NELL1: variants seen among roughly 807,000 people sequenced by gnomAD.
The protein encoded by NELL1 is protein kinase C-binding protein NELL1.
Under a neutral mutation model 107.4 loss-of-function variants are expected in NELL1, and 76 were observed. The ratio of observed to expected loss-of-function variants is 0.71; its 90% CI spans 0.59 to 0.86. NELL1 has a LOEUF of 0.86. NELL1 is among the 40% of genes least tolerant of loss of function. The probability of loss-of-function intolerance (pLI) is 0.00; values close to 1 mark genes in which losing one functional copy is unlikely to be tolerated. For missense variants in NELL1, 1,024 were observed against 1,005.5 expected (o/e 1.02, Z -0.25); for synonymous variants, 353 against 341.2 (o/e 1.03, Z -0.38).
At chr11:20,882,397 G>GT (rs1313254340) in intron 4 of NELL1, among the ~76,000 whole-genome samples, 1 of 152,112 alleles carries the variant, frequency 6.6e-6, no homozygotes, top group Non-Finnish European at 1.5e-5. Context: ...GACCTTGTTG[G>GT]TTTTTTCTCT....
At chr11:21,168,960 A>G (rs1856544600) in intron 13 of NELL1, among the ~76,000 whole-genome samples, 1 of 151,974 alleles carries the variant, frequency 6.6e-6, no homozygotes, top group Non-Finnish European at 1.5e-5. Flanking sequence ...TTGTCAGTGC[A>G]TATGACTCAA....
chr11:21,119,895 A>G (rs1488701979), intron 13 of NELL1, among the ~76,000 whole-genome samples: 1 of 152,104 alleles, frequency 6.6e-6, no homozygotes, highest in Non-Finnish European at 1.5e-5. Context: ...ATCATTAGAT[A>G]CGCAGGCAGT....
Position 21,474,592 on chromosome 11 carries a change from G to A in NELL1, c.1646-59782G>A, listed in dbSNP as rs114677600. Among the ~76,000 whole-genome samples, 396 of 152,198 alleles carry A rather than the reference G, an allele frequency of 2.6e-3. 1 individual carries two copies. Among genetic ancestry groups the A allele is most frequent in the African/African-American group, 7.8e-3 (323 of 41,532 alleles). ...CAAGGTTGCCAGTCTAATAACTGAA[G>A]CAGCTGAGGATTTGTACCCCTGTCC... On this transcript the variant is annotated intron_variant, in intron 15 of 19. Transcript: ENST00000357134.
chr11:21,127,868 C>A (rs1393367121), intron 13 of NELL1, among the ~76,000 whole-genome samples: 1 of 152,178 alleles, frequency 6.6e-6, no homozygotes, highest in Non-Finnish European at 1.5e-5. Flanking sequence ...AATATTCTCT[C>A]ATATGGACAT....
At chr11:21,363,537 C>T (rs1851135050) in intron 14 of NELL1, among the ~76,000 whole-genome samples, 1 of 152,090 alleles carries the variant, frequency 6.6e-6, no homozygotes, top group Non-Finnish European at 1.5e-5. Context: ...GTTCTTGGAA[C>T]AAAAGATCAT....
At chr11:20,863,682 C>G (rs1265465094) in intron 4 of NELL1, among the ~76,000 whole-genome samples, 1 of 151,586 alleles carries the variant, frequency 6.6e-6, no homozygotes, top group Non-Finnish European at 1.5e-5. Flanking sequence ...CAGGCAGAGA[C>G]GCTCCTCACT....
chr11:20,762,068 G>A (rs1856432878), intron 2 of NELL1, among the ~76,000 whole-genome samples: 1 of 152,218 alleles, frequency 6.6e-6, no homozygotes, highest in Non-Finnish European at 1.5e-5. Context: ...TTGTGGATTA[G>A]TCTGTGGTCT....
rs370633283 is a variant in NELL1, at chr11:21,123,119, A to G, written c.1426+9405A>G. Among the ~76,000 whole-genome samples, 21 of 152,282 alleles carry G rather than the reference A, an allele frequency of 1.4e-4. No individual in the cohort carries two copies. In the East Asian group the frequency reaches 3.5e-3, roughly 25 times the overall value. ...TTCACAGTCCCTTTTTAAAAATAAG[A>G]GTAACTTTATTAAAAACCTCAACAG... On this transcript the variant is annotated intron_variant, in intron 13 of 19. Transcript: ENST00000357134.
At chr11:20,928,082 C>T (rs1299638125) in intron 8 of NELL1, among the ~76,000 whole-genome samples, 1 of 152,118 alleles carries the variant, frequency 6.6e-6, no homozygotes, top group Non-Finnish European at 1.5e-5. Context: ...ACAGAGTCTG[C>T]AAATGTGTTA....
intron 2 of NELL1, among the ~76,000 whole-genome samples, chr11:20,726,928 A>G (rs540606856): frequency 1.5e-3 from 226 of 152,216 alleles, no homozygotes; most frequent in African/African-American, 5.2e-3. Context: ...ACATGAACTC[A>G]TCTTTTTTTA....
intron 15 of NELL1, among the ~76,000 whole-genome samples, chr11:21,393,354 A>G (rs1245261961): frequency 1.3e-5 from 2 of 151,752 alleles, no homozygotes; most frequent in Admixed American, 1.3e-4. Context: ...CTGTGGGCAC[A>G]GAAGAGCAAA....
chr11:21,270,840 C>A (rs773614722), intron 14 of NELL1, among the ~76,000 whole-genome samples: 7 of 152,008 alleles, frequency 4.6e-5, no homozygotes, highest in African/African-American at 9.7e-5. Flanking sequence ...GCATTCATGC[C>A]ACAATAGAAT....
intron 15 of NELL1, among the ~76,000 whole-genome samples, chr11:21,525,589 T>G (rs2133960996): frequency 6.6e-6 from 1 of 152,324 alleles, no homozygotes; most frequent in East Asian, 1.9e-4. Flanking sequence ...TAGCTGTTTT[T>G]GTTTCTTCTC....
At chr11:21,335,058 G>A (rs1850359887) in intron 14 of NELL1, among the ~76,000 whole-genome samples, 3 of 151,912 alleles carry the variant, frequency 2.0e-5, no homozygotes, top group Admixed American at 2.0e-4. Context: ...GGCTCCAAAA[G>A]TGGAATCAAA....
rs1160550857 is a variant in NELL1 at position 21,125,224 on chromosome 11, G to C, written c.1426+11510G>C. ...GGGCCAAGACAAAGAGAGATACTAA[G>C]GGGAGCCTGAAAAGACCCAGTATTT... On this transcript the variant is annotated intron_variant, in intron 13 of 19. Transcript: ENST00000357134. Among the ~76,000 whole-genome samples the C allele has an allele frequency of 2.0e-5, 3 of 152,106 alleles. 1 individual carries two copies. The South Asian group carries it at 6.2e-4, about 32-fold the overall frequency.
At chr11:20,858,877 C>A (rs1848928573) in intron 4 of NELL1, among the ~76,000 whole-genome samples, 1 of 152,146 alleles carries the variant, frequency 6.6e-6, no homozygotes, top group South Asian at 2.1e-4. Context: ...TTAGAAGCTC[C>A]CCTGTGACTT....
chr11:21,102,119 C>T (rs1398338477), intron 12 of NELL1, among the ~76,000 whole-genome samples: 1 of 152,166 alleles, frequency 6.6e-6, no homozygotes. Flanking sequence ...TCCCAAAGTG[C>T]TGGAATGACT....
intron 13 of NELL1, among the ~76,000 whole-genome samples, chr11:21,161,148 C>T (rs1368998418): frequency 1.3e-5 from 2 of 152,092 alleles, no homozygotes; most frequent in African/African-American, 2.4e-5. Context: ...AAGCACCTTC[C>T]ACTCTGCTTT....
intron 14 of NELL1, among the ~76,000 whole-genome samples, chr11:21,356,712 C>A (rs558275493): frequency 2.6e-5 from 4 of 152,078 alleles, no homozygotes; most frequent in African/African-American, 9.7e-5. Flanking sequence ...TACATGGATA[C>A]GATCTTTAGT....
Sources: allele counts gnomAD v4.1 joint callset (sites outside exome capture counted in the v4.1 genomes callset), GRCh38; gene constraint gnomAD v4.1.1; transcripts MANE v1.5; gene names NCBI Gene and HGNC (gene_info 2026-07-23, HGNC 2026-07-21).